HDAC1: variants seen among roughly 807,000 people sequenced by gnomAD.
The protein encoded by HDAC1 is histone deacetylase 1.
HDAC1 carries 18 observed loss-of-function variants against 65.5 expected under a neutral mutation model. The ratio of observed to expected loss-of-function variants is 0.27; its 90% confidence interval spans 0.19 to 0.41. The LOEUF (loss-of-function observed/expected upper bound fraction) is 0.41, where lower values mean the gene tolerates loss of function less well. Ranked by LOEUF, HDAC1 falls within the 10% of genes least tolerant of loss-of-function variation. The pLI, the probability that HDAC1 is intolerant of heterozygous loss-of-function variation, is 1.00. For missense variants in HDAC1, 373 were observed against 625.2 expected, an observed-to-expected ratio of 0.60 and a Z score of 4.30; for synonymous variants, 211 against 227.9, an observed-to-expected ratio of 0.93 and a Z score of 0.67.
rs1322127215 is a variant in HDAC1 at position 32,330,907 on chromosome 1, T to C, written c.978T>C (p.Asn326=). 3.1e-6 allele frequency: 5 copies of C among 1,613,972 alleles called. No homozygotes were observed. The highest frequency in any genetic ancestry group is 4.2e-6 in the Non-Finnish European group (5 of 1,179,984). The change falls in exon 9 of 14, where the codon AAT becomes AAC. Residue 326 remains asparagine (N), a splice_region_variant and synonymous_variant. Transcript: ENST00000373548. The surrounding 1 kb of genome is among the most constrained non-coding windows in gnomAD (Gnocchi z 4.2). The part of the protein sequence containing the change: ...TAVALDTEIP[N]ELPYNDYFEY... ...TGGCCCTGGATACGGAGATCCCTAA[T>C]GGTAATAGCTGCAGGGCCAGGTTCG...
At chr1:32,314,549 G>A (rs534201460) in intron 2 of HDAC1, among the ~76,000 whole-genome samples, 3 of 151,962 alleles carry the variant, frequency 2.0e-5, no homozygotes, top group South Asian at 2.1e-4. Flanking sequence ...ATATTTCGCC[G>A]GGCAAGGTGG....
intron 3 of HDAC1, among the ~76,000 whole-genome samples, chr1:32,320,961 A>G (rs1641134123): frequency 1.3e-5 from 2 of 151,000 alleles, no homozygotes; most frequent in Admixed American, 1.3e-4. Context: ...CACACACAAA[A>G]AGCATCAAAA....
chr1:32,302,832 C>G, intron 2 of HDAC1, 99 bp downstream of exon 2: 1 of 704,318 alleles, frequency 1.4e-6, no homozygotes, highest in Non-Finnish European at 2.6e-6. Context: ...TTCACTCATT[C>G]ATCAAATGCA....
At chr1:32,324,668 T>A in intron 4 of HDAC1, 115 bp downstream of exon 4, 2 of 762,092 alleles carry the variant, frequency 2.6e-6, no homozygotes, top group Non-Finnish European at 4.7e-6. Flanking sequence ...GTCCTGTGGT[T>A]TTTACTGAAG....
chr1:32,303,189 G>A (rs1363775146), intron 2 of HDAC1, among the ~76,000 whole-genome samples: 1 of 152,034 alleles, frequency 6.6e-6, no homozygotes, highest in Non-Finnish European at 1.5e-5. Flanking sequence ...ACAAAGCCAG[G>A]TGCGGTGGCT....
intron 3 of HDAC1, among the ~76,000 whole-genome samples, chr1:32,323,775 C>T (rs1033023512): frequency 6.6e-5 from 10 of 152,108 alleles, no homozygotes; most frequent in African/African-American, 2.2e-4. Context: ...GGGTATTTAA[C>T]GCATGTAGCG....
At position 32,327,246 on chromosome 1, in the gene HDAC1, C is replaced by T; in HGVS notation, c.494+169C>T. On this transcript the variant is annotated intron_variant, in intron 5 of 13. Coordinates refer to ENST00000373548, the MANE Select transcript of HDAC1 (RefSeq NM_004964.3). This position sits in a 1 kb window ranked among gnomAD's most constrained non-coding sequence, Gnocchi z 6.0. ...CTCCTTGATGGGGTCTTGGTTTGAT[C>T]TGAGCCACGGCATGATCAGGGGCAG... The T allele has an allele frequency of 4.5e-6, 3 of 669,640 alleles. No individual in the cohort carries two copies. The highest frequency in any genetic ancestry group is 7.7e-6 in the Non-Finnish European group (3 of 391,788). 41.5% of individuals were successfully genotyped at this position (669,640 alleles called of 1,614,324 possible).
chr1:32,333,252 T>C lies in HDAC1; in HGVS notation c.*208T>C. 2 of 463,892 alleles carry C rather than the reference T, an allele frequency of 4.3e-6. No homozygotes were observed. Among genetic ancestry groups the C allele is most frequent in the Non-Finnish European group, 7.6e-6 (2 of 261,782 alleles). The allele number at this position is 463,892 out of a possible 1,614,324, so 28.7% of individuals were successfully genotyped here. A position where few individuals can be genotyped will look rare whatever the true frequency, so the allele number is the denominator to read the frequency against. ...CCACCTTGCCACCCATTCTTCCCGT[T>C]CTTAACTTTGAACCATAAAGGGTGC... On this transcript the variant is annotated 3_prime_UTR_variant, in exon 14 of 14. Coordinates refer to ENST00000373548, the MANE Select transcript of HDAC1 (RefSeq NM_004964.3).
At chr1:32,293,585 C>T (rs559640428) in intron 1 of HDAC1, among the ~76,000 whole-genome samples, 37 of 151,618 alleles carry the variant, frequency 2.4e-4, no homozygotes, top group Non-Finnish European at 3.1e-4. Context: ...CTGGCCAACA[C>T]GGTGAAACCC....
At chr1:32,309,034 A>G (rs772994474) in intron 2 of HDAC1, among the ~76,000 whole-genome samples, 10 of 152,014 alleles carry the variant, frequency 6.6e-5, no homozygotes, top group Non-Finnish European at 1.3e-4. Flanking sequence ...CTGGTCTCAA[A>G]GTGCTGGGCC....
chr1:32,322,558 C>T (rs558575444), intron 3 of HDAC1, among the ~76,000 whole-genome samples: 5 of 152,272 alleles, frequency 3.3e-5, no homozygotes, highest in Admixed American at 6.5e-5. Context: ...TGTGAGCCAC[C>T]GCGCCCGGCC....
intron 12 of HDAC1, 129 bp downstream of exon 12, chr1:32,332,371 T>C (rs1641305285): frequency 5.8e-6 from 5 of 868,268 alleles, no homozygotes; most frequent in Non-Finnish European, 5.4e-6. Context: ...CCTTGAGCCT[T>C]TCAGTGGCTC....
intron 2 of HDAC1, among the ~76,000 whole-genome samples, chr1:32,308,851 C>T (rs1470076049): frequency 6.6e-6 from 1 of 152,130 alleles, no homozygotes; most frequent in East Asian, 1.9e-4. Flanking sequence ...GTTGCTCTGT[C>T]ATCCAGGCTG....
rs183126057 is a variant in HDAC1 at position 32,298,414 on chromosome 1, T to C, written c.50-4207T>C. On this transcript the variant is annotated intron_variant, in intron 1 of 13. Coordinates refer to ENST00000373548, the MANE Select transcript of HDAC1 (RefSeq NM_004964.3). The stretch of plus-strand genomic sequence containing the variant: ...TTTTTGTATTTTTAGTAGAGACGGG[T>C]TTCACCGTGTTAGCCAGGATGTTCT... 2.8e-3 allele frequency among the ~76,000 whole-genome samples: 422 copies of C among 151,634 alleles called. 1 individual carries two copies. Among genetic ancestry groups the C allele is most frequent in the African/African-American group, 1.0e-2 (412 of 41,346 alleles).
intron 2 of HDAC1, among the ~76,000 whole-genome samples, chr1:32,314,258 C>T (rs1641028478): frequency 6.6e-6 from 1 of 152,122 alleles, no homozygotes; most frequent in African/African-American, 2.4e-5. Flanking sequence ...GTGGCAAGAT[C>T]ACAGCTCACT....
intron 1 of HDAC1, among the ~76,000 whole-genome samples, chr1:32,297,377 C>T (rs1411438818): frequency 6.6e-6 from 1 of 152,082 alleles, no homozygotes; most frequent in African/African-American, 2.4e-5. Flanking sequence ...CCTCCCCCAG[C>T]TCTACAAAAC....
chr1:32,320,766 G>T (rs1641128593), intron 3 of HDAC1, among the ~76,000 whole-genome samples: 1 of 151,326 alleles, frequency 6.6e-6, no homozygotes, highest in South Asian at 2.1e-4. Context: ...CATGTGTGGT[G>T]GTATATGCCT....
chr1:32,333,210 G>A lies in HDAC1; in HGVS notation c.*166G>A. 1 of 539,634 alleles carries A rather than the reference G, an allele frequency of 1.9e-6. No individual in the cohort carries two copies. The highest frequency in any genetic ancestry group is 3.2e-6 in the Non-Finnish European group (1 of 313,732). The allele number at this position is 539,634 out of a possible 1,614,324, so 33.4% of individuals were successfully genotyped here. A position where few individuals can be genotyped will look rare whatever the true frequency, so the allele number is the denominator to read the frequency against. ...CCCGAGCTCAGGGCAGCTGTGCTGG[G>A]TGAGCTCTTCCAGGAGCCACCTTGC... On this transcript the variant is annotated 3_prime_UTR_variant, in exon 14 of 14. Coordinates refer to ENST00000373548, the MANE Select transcript of HDAC1 (RefSeq NM_004964.3).
intron 2 of HDAC1, among the ~76,000 whole-genome samples, chr1:32,311,815 G>T (rs1640995952): frequency 6.6e-6 from 1 of 152,158 alleles, no homozygotes; most frequent in Non-Finnish European, 1.5e-5. Context: ...TTTGTGGGTG[G>T]AGCAGACTGA....
Sources: allele counts gnomAD v4.1 joint callset (sites outside exome capture counted in the v4.1 genomes callset), GRCh38; gene constraint gnomAD v4.1.1; non-coding constraint Gnocchi (gnomAD v3.1); transcripts MANE v1.5; gene names NCBI Gene and HGNC (gene_info 2026-07-23, HGNC 2026-07-21).